Variants in QTGAL observed in about 807,000 individuals in gnomAD.
QTGAL encodes the protein BGnT-like protein 1.
chr17:82,976,995 C>T, the QTGAL span, among the ~76,000 whole-genome samples: 1,053 of 151,520 alleles, frequency 6.9e-3, 47 homozygotes, highest in Admixed American at 8.1e-3. Flanking sequence ...CGGAGGCCAC[C>T]GTCAGGGAGT....
chr17:83,050,647 T>C, the QTGAL span, among the ~76,000 whole-genome samples: 1 of 152,322 alleles, frequency 6.6e-6, no homozygotes, highest in Non-Finnish European at 1.5e-5. Flanking sequence ...ATCCCTGTGG[T>C]TGTTCCCTGC....
chr17:82,977,361 A>G, the QTGAL span, among the ~76,000 whole-genome samples: 1 of 152,056 alleles, frequency 6.6e-6, no homozygotes, highest in Non-Finnish European at 1.5e-5. Flanking sequence ...CACCCACCGG[A>G]GTATTCAGGA....
the QTGAL span, among the ~76,000 whole-genome samples, chr17:82,962,765 T>G: frequency 6.6e-6 from 1 of 152,212 alleles, no homozygotes; most frequent in Admixed American, 6.5e-5. Flanking sequence ...GAAAAAAGGT[T>G]TCTCTCTTCC....
chr17:82,960,172 T>TG, the QTGAL span, among the ~76,000 whole-genome samples: 1 of 152,062 alleles, frequency 6.6e-6, no homozygotes, highest in Non-Finnish European at 1.5e-5. Context: ...ATGCCCCCAA[T>TG]GGGGAAGCTC....
chr17:82,945,427 G>GT, the QTGAL span: 1 of 152,336 alleles, frequency 6.6e-6, no homozygotes, highest in South Asian at 2.1e-4. Flanking sequence ...CTGCAGAACT[G>GT]TAAGAAGGAC....
the QTGAL span, among the ~76,000 whole-genome samples, chr17:82,996,196 C>T: frequency 2.4e-3 from 370 of 152,272 alleles, 2 homozygotes; most frequent in African/African-American, 8.2e-3. Flanking sequence ...TTAATGCAAT[C>T]CCTATCAAAA....
the QTGAL span, among the ~76,000 whole-genome samples, chr17:82,973,286 G>GA: frequency 1.3e-5 from 2 of 152,178 alleles, no homozygotes; most frequent in Non-Finnish European, 2.9e-5. Context: ...TCTGAAGATT[G>GA]AAAACACCTG....
At chr17:82,991,587 C>G in the QTGAL span, among the ~76,000 whole-genome samples, 1 of 152,168 alleles carries the variant, frequency 6.6e-6, no homozygotes, top group African/African-American at 2.4e-5. Context: ...CCAAGAAGGA[C>G]AGGTACGAAC....
At chr17:82,950,106 A>C in the QTGAL span, among the ~76,000 whole-genome samples, 2 of 152,246 alleles carry the variant, frequency 1.3e-5, no homozygotes, top group Non-Finnish European at 2.9e-5. Flanking sequence ...AAAGAGCAAG[A>C]GATGGAACAA....
chr17:83,019,101 C>A, the QTGAL span, among the ~76,000 whole-genome samples: 5 of 152,188 alleles, frequency 3.3e-5, no homozygotes, highest in African/African-American at 1.2e-4. Context: ...AGACCCCACC[C>A]GGCCCCTTGG....
the QTGAL span, among the ~76,000 whole-genome samples, chr17:83,033,943 T>C: frequency 6.6e-6 from 1 of 151,948 alleles, no homozygotes; most frequent in Non-Finnish European, 1.5e-5. Context: ...CTTAGTGTTT[T>C]GTTTGTTTGT....
chr17:83,009,488 G>A, the QTGAL span, among the ~76,000 whole-genome samples: 6 of 152,118 alleles, frequency 3.9e-5, no homozygotes, highest in Non-Finnish European at 5.9e-5. Context: ...TGAGACCCAC[G>A]AGGTGAGTCC....
the QTGAL span, among the ~76,000 whole-genome samples, chr17:82,978,055 C>T: frequency 4.6e-5 from 7 of 152,298 alleles, no homozygotes; most frequent in Admixed American, 3.9e-4. The surrounding 1 kb of genome is among the most constrained non-coding windows in gnomAD (Gnocchi z 4.8). Flanking sequence ...ACGTGGAGGG[C>T]ATCAGGTGTT....
the QTGAL span, chr17:83,048,638 C>T: frequency 1.2e-6 from 2 of 1,606,350 alleles, no homozygotes; most frequent in Non-Finnish European, 1.7e-6. Flanking sequence ...TACACTGGGG[C>T]TGAGTCACCC....
chr17:83,019,621 G>A, the QTGAL span, among the ~76,000 whole-genome samples: 1 of 152,314 alleles, frequency 6.6e-6, no homozygotes, highest in East Asian at 1.9e-4. Context: ...GGGCTGCACA[G>A]CAATGTGACT....
chr17:83,038,614 T>C, the QTGAL span, among the ~76,000 whole-genome samples: 1 of 152,202 alleles, frequency 6.6e-6, no homozygotes, highest in Non-Finnish European at 1.5e-5. Flanking sequence ...ATCCCAGCAC[T>C]GTGGGAGGCC....
At chr17:83,043,827 A>C in the QTGAL span, among the ~76,000 whole-genome samples, 1 of 152,326 alleles carries the variant, frequency 6.6e-6, no homozygotes. Context: ...TCCCAAACTT[A>C]ACAGAAACTA....
chr17:83,009,961 G>C, the QTGAL span, among the ~76,000 whole-genome samples: 2 of 147,766 alleles, frequency 1.4e-5, no homozygotes, highest in South Asian at 4.4e-4. Flanking sequence ...CTGTGGGGGA[G>C]GGGAGCTGTG....
the QTGAL span, among the ~76,000 whole-genome samples, chr17:82,973,042 C>A: frequency 2.0e-5 from 3 of 152,226 alleles, no homozygotes; most frequent in Non-Finnish European, 4.4e-5. Context: ...AGCTCTGATG[C>A]CTTCGTGTGC....
Sources: gnomAD v4.1 joint callset for allele counts (sites outside exome capture counted in the v4.1 genomes callset) on GRCh38, gnomAD v4.1.1 for gene constraint, Gnocchi (gnomAD v3.1) non-coding constraint, MANE v1.5 for transcripts, NCBI Gene and HGNC (gene_info 2026-07-23, HGNC 2026-07-21) for gene names.